The following TRPC5 variants were observed in gnomAD, a reference collection of about 807,000 sequenced individuals.
TRPC5 encodes the protein short transient receptor potential channel 5.
In TRPC5, 9 loss-of-function variants were observed where a neutral mutation model predicts 56.5. That is an observed-to-expected ratio of 0.16 (90% CI 0.10 to 0.28). The LOEUF (loss-of-function observed/expected upper bound fraction) is 0.28. Among genes scored for constraint, TRPC5 ranks in the 10% least tolerant of loss-of-function variants. The pLI, the probability that TRPC5 is intolerant of heterozygous loss-of-function variation, is 1.00. For synonymous variants in TRPC5, 282 were observed against 278.5 expected, an observed-to-expected ratio of 1.01 and a Z score of -0.13; for missense variants, 469 against 748.9, an observed-to-expected ratio of 0.63 and a Z score of 4.36.
intron 1 of TRPC5, among the ~76,000 whole-genome samples, chrX:111,997,634 AC>A (rs1928577198): frequency 9.0e-6 from 1 of 110,522 alleles, no homozygotes; most frequent in Admixed American, 9.7e-5. Context: ...CACCAATCAA[AC>A]ATAGATTTGG....
intron 1 of TRPC5, among the ~76,000 whole-genome samples, chrX:111,974,742 G>GT (rs1433407984): frequency 9.0e-6 from 1 of 111,070 alleles, no homozygotes. Flanking sequence ...TGAGCTGTCT[G>GT]GAAAATCCCG....
At chrX:111,888,722 A>G (rs184387863) in intron 3 of TRPC5, among the ~76,000 whole-genome samples, 6,335 of 98,372 alleles carry the variant, frequency 0.064, 976 homozygotes, top group African/African-American at 0.25. Context: ...AAAAAAAAGA[A>G]AGAAAAGAAA....
chrX:111,808,767 G>A lies in TRPC5; in HGVS notation c.1896+26154C>T, dbSNP rs779768208. The stretch of plus-strand genomic sequence containing the variant: ...AGAATAATGCTGGGCCACACCTGAA[G>A]CCAATATATTTCTCAGTCTCACCCA... On this transcript the variant is annotated intron_variant, in intron 7 of 10. Transcript: ENST00000262839. Among the ~76,000 whole-genome samples the A allele has an allele frequency of 3.6e-5, 4 of 109,786 alleles. No individual in the cohort carries two copies. In the Admixed American group the frequency reaches 3.9e-4, roughly 11 times the overall value.
intron 1 of TRPC5, among the ~76,000 whole-genome samples, chrX:111,972,406 G>A (rs1315967589): frequency 2.7e-5 from 3 of 112,243 alleles, no homozygotes; most frequent in Non-Finnish European, 5.6e-5. Context: ...TAGACTCCAC[G>A]CATAGTAGGC....
At chrX:111,984,177 A>G (rs1302559694) in intron 1 of TRPC5, among the ~76,000 whole-genome samples, 2 of 111,445 alleles carry the variant, frequency 1.8e-5, no homozygotes, top group Non-Finnish European at 3.8e-5. Context: ...AGAGGATGGC[A>G]AAATCCTAAG....
chrX:112,010,414 T>A (rs1415982157), intron 1 of TRPC5, among the ~76,000 whole-genome samples: 1 of 111,842 alleles, frequency 8.9e-6, no homozygotes, highest in African/African-American at 3.3e-5. Flanking sequence ...AGGGATATGT[T>A]CTGAGAAATG....
At chrX:111,809,920 T>C (rs1921648528) in intron 7 of TRPC5, among the ~76,000 whole-genome samples, 1 of 109,992 alleles carries the variant, frequency 9.1e-6, no homozygotes, top group South Asian at 3.9e-4. Flanking sequence ...TTGTTTTGTT[T>C]TGTTTTGTTT....
chrX:111,843,987 G>A (rs1033099386), intron 6 of TRPC5, among the ~76,000 whole-genome samples: 3 of 106,512 alleles, frequency 2.8e-5, no homozygotes, highest in Non-Finnish European at 5.8e-5. Flanking sequence ...GGGATACTTC[G>A]GAAGTAGAAC....
intron 7 of TRPC5, among the ~76,000 whole-genome samples, chrX:111,783,023 T>C (rs1424355622): frequency 4.5e-5 from 5 of 111,999 alleles, no homozygotes; most frequent in Admixed American, 2.8e-4. Context: ...ATAGTTTACC[T>C]TTTCCAAAAT....
intron 3 of TRPC5, among the ~76,000 whole-genome samples, chrX:111,869,097 C>T (rs1199169850): frequency 1.8e-5 from 2 of 111,243 alleles, no homozygotes; most frequent in Non-Finnish European, 3.8e-5. Context: ...CACCTTTCTT[C>T]CCTCACCATT....
intron 6 of TRPC5, among the ~76,000 whole-genome samples, chrX:111,842,248 C>A (rs1323720910): frequency 1.9e-5 from 2 of 105,796 alleles, no homozygotes; most frequent in Admixed American, 1.0e-4. Context: ...AGCGATTCTC[C>A]TGCCCCAGCC....
At chrX:111,836,880 A>C (rs1922578186) in intron 6 of TRPC5, among the ~76,000 whole-genome samples, 1 of 112,268 alleles carries the variant, frequency 8.9e-6, no homozygotes, top group African/African-American at 3.2e-5. Context: ...GGCTGCACAA[A>C]AAGGGCTAGT....
intron 7 of TRPC5, among the ~76,000 whole-genome samples, chrX:111,811,420 C>T (rs1001695769): frequency 8.9e-6 from 1 of 112,225 alleles, no homozygotes; most frequent in African/African-American, 3.2e-5. Context: ...CTTGCGCGTG[C>T]ACACACACAC....
chrX:111,954,870 T>C (rs769224373), intron 1 of TRPC5, among the ~76,000 whole-genome samples: 1 of 112,120 alleles, frequency 8.9e-6, no homozygotes, highest in East Asian at 2.8e-4. Context: ...TGCCAGGCAC[T>C]GTGCCAGAAG....
chrX:111,904,468 A>C (rs1925512368), intron 3 of TRPC5, among the ~76,000 whole-genome samples: 1 of 111,778 alleles, frequency 8.9e-6, no homozygotes, highest in Non-Finnish European at 1.9e-5. Context: ...AAGGAACAAG[A>C]TCATGTCCTT....
chrX:111,793,984 A>G (rs190457100), intron 7 of TRPC5, among the ~76,000 whole-genome samples: 1 of 111,829 alleles, frequency 8.9e-6, no homozygotes, highest in East Asian at 2.8e-4. Flanking sequence ...TTCAATTTCT[A>G]TGAAATGGTC....
At chrX:112,009,887 C>A (rs1196152540) in intron 1 of TRPC5, among the ~76,000 whole-genome samples, 1 of 111,160 alleles carries the variant, frequency 9.0e-6, no homozygotes, top group African/African-American at 3.3e-5. Context: ...AGGAGATATA[C>A]CTAATGTAAA....
chrX:111,919,265 A>G (rs1017168050), intron 2 of TRPC5, among the ~76,000 whole-genome samples: 1 of 111,944 alleles, frequency 8.9e-6, no homozygotes, highest in Admixed American at 9.5e-5. Context: ...ACCAATCAGC[A>G]GTCTGTAAAA....
chrX:111,888,223 T>C (rs1924598535), intron 3 of TRPC5, among the ~76,000 whole-genome samples: 1 of 110,893 alleles, frequency 9.0e-6, no homozygotes, highest in South Asian at 3.8e-4. Flanking sequence ...GAGAGAAAAA[T>C]AGAAAACGAA....
Sources: gnomAD v4.1 joint callset for allele counts (sites outside exome capture counted in the v4.1 genomes callset) on GRCh38, gnomAD v4.1.1 for gene constraint, MANE v1.5 for transcripts, NCBI Gene and HGNC (gene_info 2026-07-23, HGNC 2026-07-21) for gene names.